The following UTRN variants were observed in gnomAD, a reference collection of about 807,000 sequenced individuals.
UTRN encodes the protein dystrophin-related protein 1.
Under a neutral mutation model 463.9 loss-of-function variants are expected in UTRN, and 283 were observed. The observed-to-expected ratio is 0.61, with a 90% confidence interval of 0.55 to 0.67. The LOEUF (loss-of-function observed/expected upper bound fraction) is 0.67. UTRN is among the 30% of genes least tolerant of loss of function. UTRN has a pLI of 0.00. For missense variants in UTRN, 3,922 were observed against 4,084.3 expected (o/e 0.96, Z 1.08); for synonymous variants, 1,442 against 1,431.5 (o/e 1.01, Z -0.17).
At chr6:144,428,240 C>T (rs1785471609) in intron 7 of UTRN, among the ~76,000 whole-genome samples, 1 of 152,148 alleles carries the variant, frequency 6.6e-6, no homozygotes, top group Non-Finnish European at 1.5e-5. Flanking sequence ...TGGAGGGAAA[C>T]TCTTCCAAGG....
chr6:144,540,522 A>G lies in UTRN; in HGVS notation c.6519+1079A>G, dbSNP rs76656509. Among the ~76,000 whole-genome samples the G allele has an allele frequency of 2.5e-3, 381 of 152,282 alleles. 13 individuals carry two copies. The East Asian group carries it at 0.059, about 24-fold the overall frequency. Reference sequence around the variant, plus strand: ...GTATCTCTGGTCTGGACCTTTCTCCATACTCTAAACTTGTGTATGCAACTA... The same window carrying G: ...GTATCTCTGGTCTGGACCTTTCTCCGTACTCTAAACTTGTGTATGCAACTA... On this transcript the variant is annotated intron_variant, in intron 45 of 74. Coordinates refer to ENST00000367545, the MANE Select transcript of UTRN (RefSeq NM_007124.3).
At chr6:144,771,569 G>T (rs140649615) in intron 58 of UTRN, among the ~76,000 whole-genome samples, 2,522 of 151,882 alleles carry the variant, frequency 0.017, 68 homozygotes, top group African/African-American at 0.058. Flanking sequence ...AGGACTACAG[G>T]CACCCACCAC....
intron 2 of UTRN, among the ~76,000 whole-genome samples, chr6:144,391,367 G>A (rs75827483): frequency 6.6e-6 from 1 of 152,052 alleles, no homozygotes; most frequent in Non-Finnish European, 1.5e-5. Flanking sequence ...CACTTGCCTG[G>A]TCCCCAGTTC....
At chr6:144,588,009 T>C (rs796638201) in intron 51 of UTRN, among the ~76,000 whole-genome samples, 11 of 152,264 alleles carry the variant, frequency 7.2e-5, no homozygotes, top group African/African-American at 2.6e-4. Flanking sequence ...TGGGTTTGCC[T>C]CCATCTAACC....
chr6:144,669,938 A>G (rs920131585), intron 51 of UTRN, among the ~76,000 whole-genome samples: 7 of 149,840 alleles, frequency 4.7e-5, no homozygotes, highest in Non-Finnish European at 8.9e-5. Flanking sequence ...ATGCCTGAGT[A>G]GTATTGTAGT....
intron 52 of UTRN, among the ~76,000 whole-genome samples, chr6:144,687,036 G>A (rs1344560320): frequency 6.6e-6 from 1 of 152,062 alleles, no homozygotes; most frequent in Admixed American, 6.5e-5. Context: ...TTCATTTCAA[G>A]ATTGAGAACT....
rs754992663 is a variant in UTRN, at chr6:144,444,355, AT to A, written c.1589del (p.Leu530CysfsTer12). 6 of 1,609,782 alleles carry A rather than the reference AT, an allele frequency of 3.7e-6. No individual in the cohort carries two copies. The highest frequency in any genetic ancestry group is 5.1e-6 in the Non-Finnish European group (6 of 1,177,500). ...GGAATAGGTTACAAGAAATCAATATATTGTGGCAGGAATTATTGGAAGAACA... is the reference window on the plus strand; with the variant it reads ...GGAATAGGTTACAAGAAATCAATATATGTGGCAGGAATTATTGGAAGAACA... The part of the protein sequence containing the change: ...RWNRLQEINI[L>X]WQELLEEQCL... On this transcript the variant is annotated frameshift_variant, in exon 14 of 75. Transcript: ENST00000367545. LOFTEE classifies it high-confidence loss of function.
chr6:144,712,480 T>C (rs1288307151), intron 53 of UTRN, among the ~76,000 whole-genome samples: 1 of 152,212 alleles, frequency 6.6e-6, no homozygotes, highest in Non-Finnish European at 1.5e-5. Flanking sequence ...TGAACCCTTT[T>C]GCAAAACAAT....
At chr6:144,546,651 TA>T (rs1009605710) in intron 46 of UTRN, among the ~76,000 whole-genome samples, 7 of 151,390 alleles carry the variant, frequency 4.6e-5, no homozygotes, top group African/African-American at 9.7e-5. Context: ...AAATTAAAAA[TA>T]AAAAAAATTA....
intron 27 of UTRN, among the ~76,000 whole-genome samples, chr6:144,484,709 C>G (rs998185460): frequency 1.3e-5 from 2 of 151,962 alleles, no homozygotes; most frequent in African/African-American, 4.8e-5. Context: ...TCCCAAAATG[C>G]TGAGATTACA....
chr6:144,707,057 AT>A (rs899724127), intron 53 of UTRN: 1 of 152,162 alleles, frequency 6.6e-6, no homozygotes, highest in Non-Finnish European at 1.5e-5. Context: ...CCTTTAAAGC[AT>A]TTTTTCTCAA....
chr6:144,583,288 G>A (rs895105086), intron 51 of UTRN: 19 of 418,350 alleles, frequency 4.5e-5, no homozygotes, highest in Admixed American at 1.3e-4. Flanking sequence ...TCTCTGTGGC[G>A]TTTGTCTGTG....
rs755352412 is a variant in UTRN, at chr6:144,797,957, A to G, written c.9212A>G (p.Asn3071Ser). The stretch of plus-strand genomic sequence containing the variant: ...ACTGCAAAACATCAGGCCAAATGCA[A>G]CATCTGTAAAGAATGTCCAATTGTC... ...AETAKHQAKCNICKECPIVGF... is the reference protein window; with the variant it reads ...AETAKHQAKCSICKECPIVGF... Residue 3071 changes from asparagine (N) to serine (S), a missense_variant, in exon 64 of 75, where the codon AAC becomes AGC. Coordinates refer to ENST00000367545, the MANE Select transcript of UTRN (RefSeq NM_007124.3). 4 of 1,614,130 alleles carry G rather than the reference A, an allele frequency of 2.5e-6. No individual in the cohort carries two copies. The East Asian group carries it at 6.7e-5, about 27-fold the overall frequency.
rs1784666043 is a variant in UTRN at position 144,419,746 on chromosome 6, C to T, written c.142-2132C>T. Among the ~76,000 whole-genome samples the T allele has an allele frequency of 2.0e-5, 3 of 152,302 alleles. No homozygotes were observed. The South Asian group carries it at 6.2e-4, about 32-fold the overall frequency. On this transcript the variant is annotated intron_variant, in intron 3 of 74. Coordinates refer to ENST00000367545, the MANE Select transcript of UTRN (RefSeq NM_007124.3). ...CTCCTGTCTGAAGCCTTTGCCCACT[C>T]CCTGGCTTGCAGTGGTCTTGGGGTC... is the stretch of plus-strand genomic sequence containing the variant.
At chr6:144,799,261 G>T in intron 64 of UTRN, 1 of 338,616 alleles carries the variant, frequency 3.0e-6, no homozygotes, top group Non-Finnish European at 6.0e-6. Flanking sequence ...CATAAGAAAT[G>T]AAAATTCAAA....
chr6:144,822,932 C>G (rs537976644), intron 66 of UTRN, among the ~76,000 whole-genome samples: 2 of 152,224 alleles, frequency 1.3e-5, no homozygotes, highest in South Asian at 4.1e-4. Context: ...TCACAAATAT[C>G]TACACGCTTT....
At position 144,294,526 on chromosome 6, in the gene UTRN, C is replaced by T. The variant is rs572747053; in HGVS notation, c.79+2619C>T. Among the ~76,000 whole-genome samples, 16 of 151,984 alleles carry T rather than the reference C, an allele frequency of 1.1e-4. No individual in the cohort carries two copies. The South Asian group carries it at 3.1e-3, about 30-fold the overall frequency. ...CTGTATGCCAAATTGGTTGCTTTTC[C>T]ATTTTTTAAAAGGGAATACTTTCCT... On this transcript the variant is annotated intron_variant, in intron 2 of 74. Coordinates refer to ENST00000367545, the MANE Select transcript of UTRN (RefSeq NM_007124.3).
intron 61 of UTRN, among the ~76,000 whole-genome samples, chr6:144,784,330 C>G (rs1358236741): frequency 6.6e-6 from 1 of 152,194 alleles, no homozygotes; most frequent in Admixed American, 6.5e-5. Context: ...GTTCTAGACA[C>G]TGAGAGTGTG....
intron 39 of UTRN, among the ~76,000 whole-genome samples, chr6:144,518,281 C>G (rs1477512129): frequency 6.6e-6 from 1 of 152,116 alleles, no homozygotes; most frequent in Non-Finnish European, 1.5e-5. Flanking sequence ...ATTCCTTCAT[C>G]GAAGAAACTG....
Sources: allele counts gnomAD v4.1 joint callset (sites outside exome capture counted in the v4.1 genomes callset), GRCh38; gene constraint gnomAD v4.1.1; transcripts MANE v1.5; gene names NCBI Gene and HGNC (gene_info 2026-07-23, HGNC 2026-07-21).